The following TARS3 variants were observed in gnomAD, a reference collection of about 807,000 sequenced individuals.
TARS3 encodes threonyl-tRNA synthetase 3.
In TARS3, 94 loss-of-function variants were observed where a neutral mutation model predicts 103.5. The ratio of observed to expected loss-of-function variants is 0.91; its 90% CI spans 0.77 to 1.08. The LOEUF is 1.08. Ranked by LOEUF, TARS3 falls within the 50% of genes least tolerant of loss-of-function variation. The probability of loss-of-function intolerance (pLI) is 0.00; values close to 1 mark genes in which losing one functional copy is unlikely to be tolerated. For synonymous variants in TARS3, 416 were observed against 355.4 expected, an observed-to-expected ratio of 1.17 and a Z score of -1.92; for missense variants, 952 against 995.2, an observed-to-expected ratio of 0.96 and a Z score of 0.58.
chr15:101,662,945 A>G (rs1164248737), intron 15 of TARS3, among the ~76,000 whole-genome samples: 1 of 152,192 alleles, frequency 6.6e-6, no homozygotes, highest in Non-Finnish European at 1.5e-5. Context: ...ACCCCAGTGG[A>G]TTTGCTTACA....
intron 10 of TARS3, among the ~76,000 whole-genome samples, chr15:101,692,638 C>T (rs933158741): frequency 6.7e-5 from 10 of 148,180 alleles, no homozygotes; most frequent in African/African-American, 2.5e-4. Context: ...CTCCATGGCT[C>T]CAAGCTCTCT....
chr15:101,686,804 C>A (rs1898494233), intron 10 of TARS3, among the ~76,000 whole-genome samples: 1 of 151,392 alleles, frequency 6.6e-6, no homozygotes. Flanking sequence ...TTTGGATGAA[C>A]ACAAAAAGCT....
In TARS3 at chr15:101,714,873, C is replaced by G. The variant is rs200819268; in HGVS notation, c.657G>C (p.Glu219Asp). Reference protein sequence around the residue: ...DRPLEGDSSLELLTFDNEEAQ... With the variant: ...DRPLEGDSSLDLLTFDNEEAQ... ...CTTCCTCATTATCAAATGTAAGCAG[C>G]TCTAGAGAAGAGTCCCCTTCCAATG... Residue 219 changes from glutamate (E) to aspartate (D), a missense_variant, in exon 4 of 19, where the codon GAG (glutamate) becomes GAC (aspartate). Around this residue, in one of 2 missense-constraint regions of TARS3, gnomAD observed 412 missense variants for 364.2 expected, o/e 1.13. Coordinates refer to ENST00000335968, the MANE Select transcript of TARS3 (RefSeq NM_152334.3). The G allele has an allele frequency of 1.2e-4, 199 of 1,612,596 alleles. No homozygotes were observed. The highest frequency in any genetic ancestry group is 1.5e-4 in the Admixed American group (9 of 59,928).
intron 10 of TARS3, among the ~76,000 whole-genome samples, chr15:101,687,954 T>G (rs917567031): frequency 3.9e-5 from 6 of 152,138 alleles, no homozygotes; most frequent in Non-Finnish European, 7.4e-5. Context: ...ATCTTAGACT[T>G]ACTGCCTCTA....
intron 12 of TARS3, among the ~76,000 whole-genome samples, chr15:101,679,587 C>G (rs1304469020): frequency 6.6e-6 from 1 of 152,162 alleles, no homozygotes. Context: ...TTTAAAATCT[C>G]TGGCAGATAA....
intron 15 of TARS3, among the ~76,000 whole-genome samples, chr15:101,670,488 A>G (rs977100448): frequency 6.6e-6 from 1 of 152,246 alleles, no homozygotes; most frequent in Non-Finnish European, 1.5e-5. Flanking sequence ...CACACCTATT[A>G]GAACTACTTA....
intron 16 of TARS3, among the ~76,000 whole-genome samples, chr15:101,661,119 GGACCACAAGATGCACCACTCAAAAAA>G (rs1479268637): frequency 4.6e-5 from 7 of 151,928 alleles, no homozygotes; most frequent in African/African-American, 7.3e-5. Flanking sequence ...CACTCAAAAA[GGACCACAAGATGCACCACTCAAAAAA>G]GACCACAAGA....
At chr15:101,711,010 C>T (rs983355140) in intron 5 of TARS3, among the ~76,000 whole-genome samples, 3 of 152,104 alleles carry the variant, frequency 2.0e-5, no homozygotes, top group Non-Finnish European at 4.4e-5. Context: ...TGTTTGCTAA[C>T]GATTCAAGCA....
intron 12 of TARS3, among the ~76,000 whole-genome samples, chr15:101,680,251 G>C (rs1048838526): frequency 4.6e-5 from 7 of 152,198 alleles, no homozygotes; most frequent in African/African-American, 1.7e-4. Context: ...CATATAAAGG[G>C]CCACAGTTTT....
At chr15:101,657,878 A>C (rs553475910) in intron 16 of TARS3, 21 bp from the exon 17 acceptor site, 1 of 1,471,122 alleles carries the variant, frequency 6.8e-7, no homozygotes, top group Admixed American at 1.9e-5. Flanking sequence ...TATATAAAAT[A>C]TGTATTTTCA....
intron 18 of TARS3, among the ~76,000 whole-genome samples, chr15:101,655,528 C>T (rs1192576963): frequency 4.3e-5 from 5 of 117,088 alleles, no homozygotes; most frequent in Admixed American, 8.7e-5. Context: ...GGCACTAGGG[C>T]GCAAATGAGA....
intron 2 of TARS3, among the ~76,000 whole-genome samples, chr15:101,722,510 C>CA (rs775394707): frequency 0.015 from 1,680 of 108,478 alleles, 24 homozygotes; most frequent in African/African-American, 0.038. Context: ...TTCTCGAATA[C>CA]AAAAAAAAAA....
At position 101,700,187 on chromosome 15, in the gene TARS3, A is replaced by G. The variant is rs556832278; in HGVS notation, c.1320+899T>C. ...TTAGGTAATGATTATAGGAAAGACAAAACAGTGCAAGCATGGAAATGTAAT... is the reference window on the plus strand; with the variant it reads ...TTAGGTAATGATTATAGGAAAGACAGAACAGTGCAAGCATGGAAATGTAAT... On this transcript the variant is annotated intron_variant, in intron 10 of 18. Transcript: ENST00000335968. 2.0e-5 allele frequency among the ~76,000 whole-genome samples: 3 copies of G among 152,342 alleles called. No homozygotes were observed. The South Asian group carries it at 6.2e-4, about 32-fold the overall frequency.
chr15:101,669,177 C>T (rs1897701958), intron 15 of TARS3, among the ~76,000 whole-genome samples: 1 of 152,004 alleles, frequency 6.6e-6, no homozygotes, highest in African/African-American at 2.4e-5. Context: ...GCCTAGGCTA[C>T]TAGGCTGATG....
At chr15:101,717,739 C>T (rs575551752) in intron 3 of TARS3, among the ~76,000 whole-genome samples, 10 of 152,186 alleles carry the variant, frequency 6.6e-5, no homozygotes, top group Non-Finnish European at 1.3e-4. Flanking sequence ...CCCAAAAGAC[C>T]GTATGGAGAC....
At chr15:101,680,623 G>A (rs1436166372) in intron 12 of TARS3, among the ~76,000 whole-genome samples, 1 of 152,128 alleles carries the variant, frequency 6.6e-6, no homozygotes, top group East Asian at 1.9e-4. Flanking sequence ...CCCAAAGCAG[G>A]TCTTTTTTGC....
chr15:101,687,655 T>C (rs1183396873), intron 10 of TARS3, among the ~76,000 whole-genome samples: 1 of 152,160 alleles, frequency 6.6e-6, no homozygotes, highest in Admixed American at 6.5e-5. Flanking sequence ...GTATGTCTTC[T>C]TGAGATGTTT....
chr15:101,664,654 G>C (rs1031614381), intron 15 of TARS3, among the ~76,000 whole-genome samples: 2 of 152,234 alleles, frequency 1.3e-5, no homozygotes, highest in African/African-American at 2.4e-5. Flanking sequence ...CAAGACAACC[G>C]CCTTAGGATT....
chr15:101,697,744 C>T (rs972986720), intron 10 of TARS3, among the ~76,000 whole-genome samples: 1 of 152,072 alleles, frequency 6.6e-6, no homozygotes, highest in South Asian at 2.1e-4. Context: ...TGTAAGTGCA[C>T]CTAGTAAGGC....
Sources: gnomAD v4.1 joint callset for allele counts (sites outside exome capture counted in the v4.1 genomes callset) on GRCh38, gnomAD v4.1.1 for gene constraint, gnomAD v4.1.1 regional missense constraint, MANE v1.5 for transcripts, NCBI Gene and HGNC (gene_info 2026-07-23, HGNC 2026-07-21) for gene names.